The following CNTN5 variants were observed in gnomAD, a reference collection of about 807,000 sequenced individuals.
CNTN5 encodes the protein contactin 5, also known as contactin-5.
CNTN5 carries 77 observed loss-of-function variants against 129.1 expected under a neutral mutation model. That is an observed-to-expected ratio of 0.60 (90% confidence interval 0.50 to 0.72). CNTN5 has a LOEUF of 0.72. Among genes scored for constraint, CNTN5 ranks in the 30% least tolerant of loss-of-function variants. The probability of loss-of-function intolerance (pLI) is 0.00; values close to 1 mark genes in which losing one functional copy is unlikely to be tolerated. For missense variants in CNTN5, 1,478 were observed against 1,328.8 expected, an observed-to-expected ratio of 1.11 and a Z score of -1.75; for synonymous variants, 509 against 465.6, an observed-to-expected ratio of 1.09 and a Z score of -1.20.
At chr11:99,540,670 T>C (rs1948071373) in intron 2 of CNTN5, among the ~76,000 whole-genome samples, 1 of 152,122 alleles carries the variant, frequency 6.6e-6, no homozygotes, top group African/African-American at 2.4e-5. Flanking sequence ...GGAGCATGAA[T>C]GAAGAGCATC....
chr11:100,071,836 T>A lies in CNTN5; in HGVS notation c.1429+2T>A. The A allele has an allele frequency of 6.3e-7, 1 of 1,580,950 alleles. No homozygotes were observed. The highest frequency in any genetic ancestry group is 8.5e-7 in the Non-Finnish European group (1 of 1,170,268). On this transcript the variant is annotated splice_donor_variant, in intron 12 of 24. Coordinates refer to ENST00000524871, the MANE Select transcript of CNTN5 (RefSeq NM_014361.4). LOFTEE classifies it high-confidence loss of function. Reference sequence around the variant, plus strand: ...CTAGTGCTGAGCTGAAGATTCTAGGTATGCAGTTTCTAAGTGAATAAATTG... The same window carrying A: ...CTAGTGCTGAGCTGAAGATTCTAGGAATGCAGTTTCTAAGTGAATAAATTG...
rs567805984 is a variant in CNTN5 at position 99,715,555 on chromosome 11, A to G, written c.56-103989A>G. ...CAGAGTGAACCCCAAAGTCTGTTTT[A>G]TGGCCTGTATAGTTTCAAGAGCCTC... On this transcript the variant is annotated intron_variant, in intron 3 of 24. Transcript: ENST00000524871. Among the ~76,000 whole-genome samples the G allele has an allele frequency of 1.1e-4, 17 of 152,054 alleles. No individual in the cohort carries two copies. In the East Asian group the frequency reaches 3.3e-3, roughly 30 times the overall value.
chr11:100,316,728 G>A (rs1951580032), intron 21 of CNTN5, among the ~76,000 whole-genome samples: 1 of 152,076 alleles, frequency 6.6e-6, no homozygotes, highest in Non-Finnish European at 1.5e-5. Flanking sequence ...TTCCATGATT[G>A]CCAAGTTTAT....
chr11:100,027,989 T>A (rs1215714508), intron 9 of CNTN5, among the ~76,000 whole-genome samples: 1 of 152,212 alleles, frequency 6.6e-6, no homozygotes, highest in African/African-American at 2.4e-5. Flanking sequence ...GCTCTAAATG[T>A]CTTTATCTAA....
chr11:99,794,412 C>T (rs1417348402), intron 3 of CNTN5, among the ~76,000 whole-genome samples: 1 of 151,940 alleles, frequency 6.6e-6, no homozygotes, highest in Non-Finnish European at 1.5e-5. Context: ...GGGCATTTTG[C>T]CTGTTTACAT....
intron 2 of CNTN5, among the ~76,000 whole-genome samples, chr11:99,543,926 C>CA (rs869130663): frequency 1.0e-3 from 8 of 7,970 alleles, no homozygotes; most frequent in African/African-American, 2.7e-3. Context: ...CTCAAAAAAA[C>CA]AAAAAAAAAA....
intron 13 of CNTN5, among the ~76,000 whole-genome samples, chr11:100,116,688 T>C (rs1945851655): frequency 6.6e-6 from 1 of 151,980 alleles, no homozygotes; most frequent in Non-Finnish European, 1.5e-5. Context: ...TATAATATCT[T>C]TTTTCTTCCT....
chr11:99,916,577 G>C (rs1056856812), intron 7 of CNTN5, among the ~76,000 whole-genome samples: 1 of 152,100 alleles, frequency 6.6e-6, no homozygotes, highest in African/African-American at 2.4e-5. Flanking sequence ...ACTGGAATTA[G>C]AACTTCTAAG....
chr11:99,611,332 A>T (rs957120680), intron 3 of CNTN5, among the ~76,000 whole-genome samples: 1 of 152,182 alleles, frequency 6.6e-6, no homozygotes, highest in African/African-American at 2.4e-5. Flanking sequence ...ACCCACCAGT[A>T]TTTAGAGATT....
intron 3 of CNTN5, among the ~76,000 whole-genome samples, chr11:99,773,813 G>T (rs1485294083): frequency 3.9e-5 from 6 of 152,016 alleles, no homozygotes; most frequent in African/African-American, 9.7e-5. Context: ...GTTCATGAGC[G>T]TGACACACAA....
intron 1 of CNTN5, among the ~76,000 whole-genome samples, chr11:99,222,985 C>T (rs1373672738): frequency 6.6e-6 from 1 of 152,102 alleles, no homozygotes; most frequent in African/African-American, 2.4e-5. Flanking sequence ...GTGATCATGG[C>T]CCTCTAAATC....
chr11:99,704,553 A>G (rs1203374372), intron 3 of CNTN5, among the ~76,000 whole-genome samples: 3 of 151,188 alleles, frequency 2.0e-5, no homozygotes, highest in Admixed American at 1.3e-4. Context: ...GTTAATAAAG[A>G]TTCTAAATGT....
chr11:99,903,733 A>G (rs1949419515), intron 6 of CNTN5, among the ~76,000 whole-genome samples: 1 of 152,168 alleles, frequency 6.6e-6, no homozygotes, highest in Admixed American at 6.6e-5. Flanking sequence ...AACTCTAAAT[A>G]TAATTTTTTT....
intron 13 of CNTN5, among the ~76,000 whole-genome samples, chr11:100,114,789 A>T (rs1945784221): frequency 1.3e-5 from 2 of 152,240 alleles, no homozygotes; most frequent in Non-Finnish European, 2.9e-5. Context: ...TCATTCATTC[A>T]ACAAATAGAT....
rs1455891039 is a variant in CNTN5 at position 100,358,213 on chromosome 11, C to T, written c.*1993C>T. ...CTTCATTTTCCATGGTGGTGTACACCAGATTTAGTGAAGGACTTTAAGAAT... is the reference window on the plus strand; with the variant it reads ...CTTCATTTTCCATGGTGGTGTACACTAGATTTAGTGAAGGACTTTAAGAAT... On this transcript the variant is annotated 3_prime_UTR_variant, in exon 25 of 25. Transcript: ENST00000524871. 6.6e-6 allele frequency: 1 copy of T among 151,758 alleles called. No homozygotes were observed. Among genetic ancestry groups the T allele is most frequent in the Non-Finnish European group, 1.5e-5 (1 of 67,832 alleles). The allele number at this position is 151,758 out of a possible 1,614,324, so 9.4% of individuals were successfully genotyped here.
At position 99,898,948 on chromosome 11, in the gene CNTN5, A is replaced by G. The variant is rs115342987; in HGVS notation, c.578-17106A>G. Among the ~76,000 whole-genome samples, 633 of 152,108 alleles carry G rather than the reference A, an allele frequency of 4.2e-3. 10 individuals carry two copies. Among genetic ancestry groups the G allele is most frequent in the African/African-American group, 0.014 (587 of 41,554 alleles). On this transcript the variant is annotated intron_variant, in intron 6 of 24. Coordinates refer to ENST00000524871, the MANE Select transcript of CNTN5 (RefSeq NM_014361.4). ...GTGGAAATGCCTCTAATGTTTCTCT[A>G]TTAAGTATAATATTTGTTTCAAGTT...
chr11:99,440,266 GT>G (rs1214671152), intron 2 of CNTN5, among the ~76,000 whole-genome samples: 2 of 152,018 alleles, frequency 1.3e-5, no homozygotes, highest in African/African-American at 4.8e-5. Context: ...ATATTTTGCT[GT>G]TGAAATTTTC....
At chr11:99,499,398 G>A (rs1467445694) in intron 2 of CNTN5, among the ~76,000 whole-genome samples, 2 of 152,090 alleles carry the variant, frequency 1.3e-5, no homozygotes, top group African/African-American at 2.4e-5. Flanking sequence ...TTTGCATGCA[G>A]CGTTCAGTCT....
chr11:100,197,884 T>C (rs1180166860), intron 15 of CNTN5, among the ~76,000 whole-genome samples: 1 of 151,920 alleles, frequency 6.6e-6, no homozygotes, highest in East Asian at 1.9e-4. Flanking sequence ...AATAGGCAAC[T>C]GAGCCAAAGT....
Sources: gnomAD v4.1 joint callset for allele counts (sites outside exome capture counted in the v4.1 genomes callset) on GRCh38, gnomAD v4.1.1 for gene constraint, MANE v1.5 for transcripts, NCBI Gene and HGNC (gene_info 2026-07-23, HGNC 2026-07-21) for gene names.